The following SNX29 variants were observed in gnomAD, a reference collection of about 807,000 sequenced individuals.
SNX29 encodes sorting nexin 29, also known as sorting nexin-29.
SNX29 carries 78 observed loss-of-function variants against 102.1 expected under a neutral mutation model. That is an observed-to-expected ratio of 0.76 (90% CI 0.64 to 0.92). SNX29 has a LOEUF of 0.92. Ranked by LOEUF, SNX29 falls within the 40% of genes least tolerant of loss-of-function variation. SNX29 has a pLI of 0.00. For synonymous variants in SNX29, 580 were observed against 414.5 expected (o/e 1.40, Z -4.85); for missense variants, 1,280 against 1,061.7 (o/e 1.21, Z -2.86).
intron 18 of SNX29, among the ~76,000 whole-genome samples, chr16:12,451,599 C>G (rs1005526092): frequency 3.3e-5 from 5 of 152,238 alleles, no homozygotes; most frequent in African/African-American, 1.2e-4. Context: ...TGCGGTGGCT[C>G]ACGCCTGTAA....
intron 20 of SNX29, among the ~76,000 whole-genome samples, chr16:12,554,312 A>T (rs1370440897): frequency 6.6e-6 from 1 of 152,188 alleles, no homozygotes; most frequent in Non-Finnish European, 1.5e-5. Context: ...TTTCAGTTTT[A>T]ACTAAAATGG....
At chr16:12,061,420 C>T in intron 8 of SNX29, 108 bp from the exon 9 acceptor site, 1 of 844,952 alleles carries the variant, frequency 1.2e-6, no homozygotes, top group Non-Finnish European at 1.9e-6. Context: ...GTTCTCAGCC[C>T]TGCCTTGGCC....
At chr16:12,423,283 A>G (rs568309073) in intron 18 of SNX29, among the ~76,000 whole-genome samples, 1 of 152,240 alleles carries the variant, frequency 6.6e-6, no homozygotes, top group African/African-American at 2.4e-5. Context: ...AACGTAGATC[A>G]TAAGAGCTGA....
intron 20 of SNX29, among the ~76,000 whole-genome samples, chr16:12,536,380 C>G (rs1021219679): frequency 1.3e-5 from 2 of 151,854 alleles, no homozygotes; most frequent in African/African-American, 4.8e-5. Flanking sequence ...TTGTTTATGA[C>G]TTTCACATTA....
intron 3 of SNX29, among the ~76,000 whole-genome samples, chr16:12,022,110 T>TA (rs1253968411): frequency 1.4e-5 from 2 of 138,374 alleles, no homozygotes; most frequent in East Asian, 2.0e-4. Flanking sequence ...TTTTTTTTTT[T>TA]AAACAGCTTT....
chr16:12,097,115 G>A (rs913272642), intron 11 of SNX29, among the ~76,000 whole-genome samples: 1 of 152,208 alleles, frequency 6.6e-6, no homozygotes, highest in South Asian at 2.1e-4. Flanking sequence ...AGCTGTTGTC[G>A]CCATTATGAA....
chr16:12,565,671 C>T (rs532547388), intron 20 of SNX29, among the ~76,000 whole-genome samples: 14 of 152,320 alleles, frequency 9.2e-5, no homozygotes, highest in African/African-American at 2.6e-4. Context: ...GTGCACGTCC[C>T]GAGCTAACCC....
chr16:12,355,108 T>A (rs1394074449), intron 15 of SNX29, among the ~76,000 whole-genome samples: 1 of 152,156 alleles, frequency 6.6e-6, no homozygotes, highest in Non-Finnish European at 1.5e-5. Context: ...AGGGTCTAAG[T>A]GGCTTCTCTC....
At chr16:12,416,825 G>A (rs764491556) in intron 18 of SNX29, among the ~76,000 whole-genome samples, 13 of 152,128 alleles carry the variant, frequency 8.5e-5, no homozygotes, top group Non-Finnish European at 1.8e-4. Context: ...CATGGGCAGG[G>A]CACCAAGCCA....
chr16:12,278,423 T>C (rs537591856), intron 15 of SNX29, among the ~76,000 whole-genome samples: 1 of 152,176 alleles, frequency 6.6e-6, no homozygotes, highest in South Asian at 2.1e-4. Context: ...TCAGAATTAA[T>C]TGAAGATGAG....
At chr16:12,212,801 A>T (rs1208866731) in intron 14 of SNX29, among the ~76,000 whole-genome samples, 1 of 152,200 alleles carries the variant, frequency 6.6e-6, no homozygotes, top group African/African-American at 2.4e-5. Context: ...CGTGGTATGT[A>T]TACATCATAC....
rs140778732 is a variant in SNX29, at chr16:12,349,494, G to A, written c.1783-6669G>A. Reference sequence around the variant, plus strand: ...AAAATCCCAAATTCAAAATATTCCGGAAGTCAGCATATTTTGAGTGCTGAC... The same window carrying A: ...AAAATCCCAAATTCAAAATATTCCGAAAGTCAGCATATTTTGAGTGCTGAC... On this transcript the variant is annotated intron_variant, in intron 15 of 20. Coordinates refer to ENST00000566228, the MANE Select transcript of SNX29 (RefSeq NM_032167.5). 4.0e-3 allele frequency among the ~76,000 whole-genome samples: 605 copies of A among 152,284 alleles called. 4 individuals are homozygous for A. The highest frequency in any genetic ancestry group is 0.014 in the African/African-American group (578 of 41,554).
At chr16:12,413,020 G>A (rs1256532734) in intron 18 of SNX29, among the ~76,000 whole-genome samples, 1 of 152,212 alleles carries the variant, frequency 6.6e-6, no homozygotes, top group Non-Finnish European at 1.5e-5. Context: ...TATCAGGCAA[G>A]GGCTGGGGAG....
chr16:12,310,099 C>T (rs997050920), intron 15 of SNX29, among the ~76,000 whole-genome samples: 4 of 138,372 alleles, frequency 2.9e-5, no homozygotes, highest in Non-Finnish European at 6.3e-5. Context: ...CATGCACACA[C>T]ATGCACACAT....
At chr16:12,140,150 C>T (rs2054819066) in intron 13 of SNX29, among the ~76,000 whole-genome samples, 2 of 152,168 alleles carry the variant, frequency 1.3e-5, no homozygotes, top group Admixed American at 1.3e-4. Context: ...TCAAAGCTCT[C>T]AGGGGGTATC....
chr16:11,983,937 G>A (rs1224233454), intron 1 of SNX29, among the ~76,000 whole-genome samples: 6 of 152,174 alleles, frequency 3.9e-5, no homozygotes, highest in Non-Finnish European at 8.8e-5. Context: ...TTACTTGGAT[G>A]TATAAAGCAC....
At chr16:12,515,285 C>T (rs965019018) in intron 19 of SNX29, among the ~76,000 whole-genome samples, 13 of 152,122 alleles carry the variant, frequency 8.5e-5, no homozygotes, top group Admixed American at 3.9e-4. Context: ...GTAAGTTCCA[C>T]GAAGGCGGGA....
At chr16:12,539,994 C>T (rs141332195) in intron 20 of SNX29, among the ~76,000 whole-genome samples, 1 of 150,996 alleles carries the variant, frequency 6.6e-6, no homozygotes, top group Non-Finnish European at 1.5e-5. Context: ...TCTTCAGCTT[C>T]TTTTCAGTGT....
chr16:12,263,207 C>G (rs2078832296), intron 14 of SNX29, among the ~76,000 whole-genome samples: 1 of 151,386 alleles, frequency 6.6e-6, no homozygotes, highest in Admixed American at 6.6e-5. Flanking sequence ...TCTCGGCTCA[C>G]TGCAACCTCT....
Sources: gnomAD v4.1 joint callset for allele counts (sites outside exome capture counted in the v4.1 genomes callset) on GRCh38, gnomAD v4.1.1 for gene constraint, MANE v1.5 for transcripts, NCBI Gene and HGNC (gene_info 2026-07-23, HGNC 2026-07-21) for gene names.